The following VWA3A variants were observed in gnomAD, a reference collection of about 807,000 sequenced individuals.
The protein encoded by VWA3A is von Willebrand factor A domain containing 3A.
VWA3A carries 134 observed loss-of-function variants against 160.4 expected under a neutral mutation model. The observed-to-expected ratio is 0.84, with a 90% CI of 0.73 to 0.96. VWA3A has a LOEUF of 0.96. Ranked by LOEUF, VWA3A falls within the 40% of genes least tolerant of loss-of-function variation. The pLI is 0.00. For synonymous variants in VWA3A, 476 were observed against 543.4 expected (o/e 0.88, Z 1.72); for missense variants, 1,310 against 1,447.9 (o/e 0.90, Z 1.55).
intron 8 of VWA3A, among the ~76,000 whole-genome samples, chr16:22,114,171 T>A (rs920640848): frequency 6.6e-6 from 1 of 152,228 alleles, no homozygotes; most frequent in Non-Finnish European, 1.5e-5. Context: ...TTGACAGTTA[T>A]GATCATGAAA....
chr16:22,121,485 G>A, intron 13 of VWA3A, 29 bp from the exon 14 acceptor site: 2 of 1,556,488 alleles, frequency 1.3e-6, no homozygotes, highest in Non-Finnish European at 1.8e-6. Context: ...TTCTCAGGCA[G>A]TGCCTCCAAC....
intron 31 of VWA3A, among the ~76,000 whole-genome samples, chr16:22,153,450 G>A (rs1458726231): frequency 6.6e-6 from 1 of 152,160 alleles, no homozygotes; most frequent in Admixed American, 6.5e-5. Context: ...GCATATTTGT[G>A]TCTTCTGGGG....
At position 22,133,079 on chromosome 16, in the gene VWA3A, C is replaced by T. The variant is rs747996044; in HGVS notation, c.2052C>T (p.His684=). ...EVTRAAGGRF[H]WFGDTGIYES... is the part of the protein sequence containing the mutation. ...CCCGGGCTGCAGGTGGCCGCTTCCA[C>T]TGGTTTGGAGACACAGGTACATGAC... The change falls in exon 20 of 34, where the codon CAC becomes CAT. Residue 684 remains histidine (H), a synonymous_variant. Transcript: ENST00000389398. 2.2e-5 allele frequency: 35 copies of T among 1,612,730 alleles called. 1 individual carries two copies. Among genetic ancestry groups the T allele is most frequent in the South Asian group, 1.4e-4 (13 of 90,790 alleles).
At chr16:22,147,785 A>T in intron 27 of VWA3A, 3 of 660,510 alleles carry the variant, frequency 4.5e-6, no homozygotes, top group East Asian at 2.7e-5. Flanking sequence ...CCCAGCTCAC[A>T]TACCAGTACA....
At chr16:22,105,721 C>G (rs1194750177) in intron 6 of VWA3A, among the ~76,000 whole-genome samples, 1 of 152,178 alleles carries the variant, frequency 6.6e-6, no homozygotes, top group Non-Finnish European at 1.5e-5. Context: ...GAATAAATGT[C>G]TAGAACTTCA....
rs1000603574 is a variant in VWA3A at position 22,138,468 on chromosome 16, A to C, written c.2248A>C (p.Lys750Gln). 3.7e-6 allele frequency: 6 copies of C among 1,612,906 alleles called. No homozygotes were observed. The highest frequency in any genetic ancestry group is 5.1e-6 in the Non-Finnish European group (6 of 1,179,644). The change falls in exon 22 of 34, where the codon AAG (lysine) becomes CAG (glutamine). Residue 750 changes from lysine (K) to glutamine (Q), a missense_variant. Lys to Gln is a moderately conservative substitution (Grantham distance 53). Transcript: ENST00000389398. ...KTLQLRSQPKKLCPPRPTVPL... is the reference protein window; with the variant it reads ...KTLQLRSQPKQLCPPRPTVPL... ...ACTTCAGCTAAGAAGTCAGCCCAAG[A>C]AGCTCTGCCCTCCCAGGCCCACCGT... is the stretch of plus-strand genomic sequence containing the variant.
intron 17 of VWA3A, among the ~76,000 whole-genome samples, chr16:22,129,734 C>T (rs2045916203): frequency 6.6e-6 from 1 of 151,972 alleles, no homozygotes; most frequent in South Asian, 2.1e-4. Context: ...AGAGAGAAGA[C>T]AATCAAAGGC....
At chr16:22,126,090 G>A in intron 16 of VWA3A, 88 bp from the exon 17 acceptor site, 2 of 1,565,752 alleles carry the variant, frequency 1.3e-6, no homozygotes, top group Non-Finnish European at 1.7e-6. Flanking sequence ...AAATTCCCCT[G>A]GAAAAAAACT....
chr16:22,133,666 A>AAAAG (rs1555459245), intron 20 of VWA3A, among the ~76,000 whole-genome samples: 1 of 150,470 alleles, frequency 6.6e-6, no homozygotes, highest in African/African-American at 2.4e-5. Context: ...AAAAAAAAAA[A>AAAAG]AAGAAGAAGA....
At chr16:22,144,418 C>G in intron 26 of VWA3A, 34 bp downstream of exon 26, 1 of 1,606,996 alleles carries the variant, frequency 6.2e-7, no homozygotes, top group Non-Finnish European at 8.5e-7. Flanking sequence ...TCTTTTTTTT[C>G]TCCCCCAACT....
chr16:22,150,949 A>C, intron 30 of VWA3A, 103 bp downstream of exon 30: 14 of 1,345,986 alleles, frequency 1.0e-5, no homozygotes, highest in East Asian at 2.6e-5. Flanking sequence ...TCACTTAGAC[A>C]CGGGTTTCTC....
At chr16:22,131,070 A>G (rs2045937991) in intron 17 of VWA3A, 135 bp from the exon 18 acceptor site, 1 of 757,768 alleles carries the variant, frequency 1.3e-6, no homozygotes, top group African/African-American at 1.7e-5. Context: ...TGGCTGGCCC[A>G]GGCCAGTGAC....
rs760576694 is a variant in VWA3A at position 22,149,925 on chromosome 16, A to G, written c.3123A>G (p.Ala1041=). ...QAQGSTSILQ[A]LLKAFSFHDL... ...AGGGCAGCACCTCCATCTTGCAAGC[A>G]TTGCTGGCAAGTCCCACCACGGAGC... Residue 1041 remains alanine (A), a synonymous_variant, in exon 29 of 34, where the codon GCA becomes GCG. Coordinates refer to ENST00000389398, the MANE Select transcript of VWA3A (RefSeq NM_173615.5). 34 of 1,605,582 alleles carry G rather than the reference A, an allele frequency of 2.1e-5. No homozygotes were observed. The highest frequency in any genetic ancestry group is 5.0e-5 in the Admixed American group (3 of 59,556).
chr16:22,154,475 C>A (rs1325270379), intron 31 of VWA3A, among the ~76,000 whole-genome samples: 1 of 150,852 alleles, frequency 6.6e-6, no homozygotes, highest in Non-Finnish European at 1.5e-5. Context: ...ATTACAGGTG[C>A]CTGCCACCAC....
At chr16:22,108,524 C>T (rs117639987) in intron 6 of VWA3A, among the ~76,000 whole-genome samples, 2 of 152,130 alleles carry the variant, frequency 1.3e-5, no homozygotes, top group African/African-American at 2.4e-5. Flanking sequence ...TTTGTTTTCT[C>T]AGCAAAATTG....
chr16:22,144,291 C>T lies in VWA3A; in HGVS notation c.2637C>T (p.Ser879=), dbSNP rs756434506. Reference sequence around the variant, plus strand: ...TCAAAAAATTGAAGCTGGAGATTTCCAGATGCATGGGTCCCAACTGCACTC... The same window carrying T: ...TCAAAAAATTGAAGCTGGAGATTTCTAGATGCATGGGTCCCAACTGCACTC... ...YGLKKLKLEI[S]RCMGPNCTHQ... Residue 879 remains serine, a synonymous_variant, in exon 26 of 34, where the codon TCC becomes TCT. Coordinates refer to ENST00000389398, the MANE Select transcript of VWA3A (RefSeq NM_173615.5). 2.5e-6 allele frequency: 4 copies of T among 1,613,424 alleles called. No homozygotes were observed. The highest frequency in any genetic ancestry group is 2.2e-5 in the East Asian group (1 of 44,878).
intron 6 of VWA3A, among the ~76,000 whole-genome samples, chr16:22,108,035 C>T (rs564580533): frequency 2.6e-5 from 4 of 152,080 alleles, no homozygotes; most frequent in African/African-American, 4.8e-5. Context: ...ACTCAGAGTT[C>T]GGGAAAGTCA....
chr16:22,112,509 A>G (rs2045567629), intron 8 of VWA3A, among the ~76,000 whole-genome samples: 1 of 152,112 alleles, frequency 6.6e-6, no homozygotes, highest in Non-Finnish European at 1.5e-5. Context: ...GCTTGAGCCC[A>G]GAAGTTTGAG....
At position 22,155,565 on chromosome 16, in the gene VWA3A, A is replaced by G. The variant is rs1310151491; in HGVS notation, c.3406-2A>G. 6.2e-7 allele frequency: 1 copy of G among 1,613,576 alleles called. No homozygotes were observed. The highest frequency in any genetic ancestry group is 1.3e-5 in the African/African-American group (1 of 74,902). ...ACTTCACACTCATTTCCTCTTTTCA[A>G]GGATCCCACATTGCCACCATTTGAA... On this transcript the variant is annotated splice_acceptor_variant, in intron 31 of 33. Coordinates refer to ENST00000389398, the MANE Select transcript of VWA3A (RefSeq NM_173615.5). LOFTEE classifies it high-confidence loss of function.
Sources: allele counts gnomAD v4.1 joint callset (sites outside exome capture counted in the v4.1 genomes callset), GRCh38; gene constraint gnomAD v4.1.1; transcripts MANE v1.5; gene names NCBI Gene and HGNC (gene_info 2026-07-23, HGNC 2026-07-21).